Variants in ABLIM1 observed in about 807,000 individuals in gnomAD.
ABLIM1 encodes the protein actin-binding LIM protein 1.
ABLIM1 carries 40 observed loss-of-function variants against 107.0 expected under a neutral mutation model. The ratio of observed to expected loss-of-function variants is 0.37; its 90% CI spans 0.29 to 0.49. The LOEUF is 0.49. Ranked by LOEUF, ABLIM1 falls within the 20% of genes least tolerant of loss-of-function variation. ABLIM1 has a pLI of 0.97. For missense variants in ABLIM1, 857 were observed against 1,008.5 expected (o/e 0.85, Z 2.04); for synonymous variants, 357 against 357.3 (o/e 1.00, Z 0.01).
intron 2 of ABLIM1, among the ~76,000 whole-genome samples, chr10:114,576,607 A>G (rs1209174457): frequency 6.6e-6 from 1 of 152,162 alleles, no homozygotes; most frequent in Admixed American, 6.5e-5. Context: ...CTGAGTTCCC[A>G]TGACTCCTTA....
chr10:114,732,297 G>T (rs560894115), intron 1 of ABLIM1, among the ~76,000 whole-genome samples: 1 of 148,792 alleles, frequency 6.7e-6, no homozygotes, highest in African/African-American at 2.5e-5. Flanking sequence ...GATTCTCCTC[G>T]ATTTGCATTT....
At chr10:114,518,950 G>T (rs1215795256) in intron 6 of ABLIM1, among the ~76,000 whole-genome samples, 1 of 152,130 alleles carries the variant, frequency 6.6e-6, no homozygotes, top group East Asian at 1.9e-4. Flanking sequence ...AGCTCCATAG[G>T]CATGGGAAAG....
chr10:114,743,306 A>G (rs1027379676), intron 1 of ABLIM1, among the ~76,000 whole-genome samples: 3 of 152,188 alleles, frequency 2.0e-5, no homozygotes, highest in Non-Finnish European at 4.4e-5. Flanking sequence ...AGTAAATGGA[A>G]GAACTCTCAG....
intron 11 of ABLIM1, among the ~76,000 whole-genome samples, chr10:114,467,443 T>C (rs1005104065): frequency 2.6e-5 from 4 of 152,238 alleles, no homozygotes; most frequent in African/African-American, 4.8e-5. Context: ...CATAGCTTTG[T>C]GGAATTTGAG....
At chr10:114,463,641 A>G (rs570168286) in intron 12 of ABLIM1, among the ~76,000 whole-genome samples, 1 of 152,194 alleles carries the variant, frequency 6.6e-6, no homozygotes, top group South Asian at 2.1e-4. Context: ...GAAGGAAAAC[A>G]TGTTTGTGTT....
upstream of ABLIM1, among the ~76,000 whole-genome samples, chr10:114,661,626 C>A (rs1475515114): frequency 6.6e-6 from 1 of 152,154 alleles, no homozygotes; most frequent in East Asian, 1.9e-4. Context: ...GGTTTTGTGA[C>A]CGTTTCTATG....
intron 2 of ABLIM1, among the ~76,000 whole-genome samples, chr10:114,589,439 G>A (rs542714082): frequency 3.1e-4 from 47 of 151,566 alleles, no homozygotes; most frequent in African/African-American, 1.1e-3. Flanking sequence ...TGAAGTATGA[G>A]AATTACTTGA....
chr10:114,778,079 T>G, the ABLIM1 span: 1,800 of 152,328 alleles, frequency 0.012, 41 homozygotes, highest in African/African-American at 0.041. Context: ...ATAAAATCAG[T>G]CTGGTTGGGC....
chr10:114,445,905 G>A (rs538107617), intron 15 of ABLIM1, among the ~76,000 whole-genome samples: 9 of 152,172 alleles, frequency 5.9e-5, no homozygotes, highest in East Asian at 1.9e-4. Flanking sequence ...GGGTAGCTGC[G>A]ACCACAGGTG....
At chr10:114,755,791 G>C (rs1008882292) in intron 1 of ABLIM1, among the ~76,000 whole-genome samples, 26 of 152,238 alleles carry the variant, frequency 1.7e-4, no homozygotes, top group Admixed American at 1.6e-3. Context: ...GTTCAAGCCA[G>C]CTCTGCTGGG....
intron 3 of ABLIM1, among the ~76,000 whole-genome samples, chr10:114,574,960 T>C (rs1591327460): frequency 1.3e-5 from 2 of 152,168 alleles, no homozygotes; most frequent in African/African-American, 4.8e-5. Flanking sequence ...AGTGGCTGTG[T>C]TCCAATAGAA....
chr10:114,587,961 T>C (rs1449803197), intron 2 of ABLIM1, among the ~76,000 whole-genome samples: 2 of 152,200 alleles, frequency 1.3e-5, no homozygotes, highest in Non-Finnish European at 2.9e-5. Context: ...TACCATGTTA[T>C]GTATACCTTT....
chr10:114,672,520 G>C (rs2080300590), intron 1 of ABLIM1, among the ~76,000 whole-genome samples: 1 of 152,062 alleles, frequency 6.6e-6, no homozygotes, highest in Admixed American at 6.6e-5. Context: ...TTATATATTG[G>C]ATATGAGTAT....
rs7907602 is a variant in ABLIM1 at position 114,612,934 on chromosome 10, C to T, written c.245-10973G>A. Among the ~76,000 whole-genome samples the T allele has an allele frequency of 8.1e-4, 124 of 152,284 alleles. 1 individual carries two copies. Among genetic ancestry groups the T allele is most frequent in the African/African-American group, 2.8e-3 (117 of 41,564 alleles). On this transcript the variant is annotated intron_variant, in intron 1 of 22. Transcript: ENST00000533213. ...TACTCTCTAATTCCAATTCCAGACA[C>T]CTCAGAGGAATTTGAAAAACAAAAA...
At chr10:114,676,370 G>C (rs141842865) in intron 1 of ABLIM1, among the ~76,000 whole-genome samples, 2 of 151,934 alleles carry the variant, frequency 1.3e-5, no homozygotes, top group African/African-American at 2.4e-5. Flanking sequence ...CCAGCTACTC[G>C]GGAGGCTGAG....
intron 3 of ABLIM1, among the ~76,000 whole-genome samples, chr10:114,572,274 A>G (rs922962676): frequency 4.6e-5 from 7 of 152,250 alleles, no homozygotes; most frequent in Admixed American, 4.6e-4. Flanking sequence ...TCACAAGCTG[A>G]ACATCACCAC....
intron 1 of ABLIM1, among the ~76,000 whole-genome samples, chr10:114,636,111 G>A (rs977317989): frequency 3.9e-5 from 6 of 152,184 alleles, no homozygotes; most frequent in Non-Finnish European, 5.9e-5. Flanking sequence ...GAGTAGGCAC[G>A]GGGTGCAGGG....
intron 1 of ABLIM1, among the ~76,000 whole-genome samples, chr10:114,742,503 A>G (rs1230628023): frequency 6.6e-6 from 1 of 152,204 alleles, no homozygotes; most frequent in Non-Finnish European, 1.5e-5. Context: ...TGCACTCCTC[A>G]TATCACCTAC....
At chr10:114,486,873 C>T (rs1482388613) in intron 8 of ABLIM1, among the ~76,000 whole-genome samples, 1 of 151,862 alleles carries the variant, frequency 6.6e-6, no homozygotes, top group Non-Finnish European at 1.5e-5. Context: ...AAAGAAAAAA[C>T]AAAAAACAAA....
Sources: allele counts gnomAD v4.1 joint callset (sites outside exome capture counted in the v4.1 genomes callset), GRCh38; gene constraint gnomAD v4.1.1; transcripts MANE v1.5; gene names NCBI Gene and HGNC (gene_info 2026-07-23, HGNC 2026-07-21).